The following ALDH8A1 variants were observed in gnomAD, a reference collection of about 807,000 sequenced individuals.
ALDH8A1 encodes 2-aminomuconic semialdehyde dehydrogenase.
Under a neutral mutation model 43.3 loss-of-function variants are expected in ALDH8A1, and 39 were observed. That is an observed-to-expected ratio of 0.90 (90% CI 0.70 to 1.18). ALDH8A1 has a LOEUF of 1.18. Among genes scored for constraint, ALDH8A1 ranks in the 50% most tolerant of loss-of-function variants. The pLI is 0.00. For missense variants in ALDH8A1, 605 were observed against 622.6 expected, an observed-to-expected ratio of 0.97 and a Z score of 0.30; for synonymous variants, 233 against 243.5, an observed-to-expected ratio of 0.96 and a Z score of 0.40.
At chr6:134,927,210 T>C (rs913149844) in intron 6 of ALDH8A1, among the ~76,000 whole-genome samples, 3 of 152,196 alleles carry the variant, frequency 2.0e-5, no homozygotes. Flanking sequence ...TCTATGCCAA[T>C]TACTAGAACT....
intron 4 of ALDH8A1, among the ~76,000 whole-genome samples, chr6:134,933,833 C>T (rs144638630): frequency 3.9e-4 from 60 of 152,088 alleles, no homozygotes; most frequent in African/African-American, 1.3e-3. Flanking sequence ...CTCAGCCTCC[C>T]GAGTAGCTGG....
rs778173764 is a variant in ALDH8A1 at position 134,918,430 on chromosome 6, G to T, written c.1449C>A (p.Ile483=). The T allele has an allele frequency of 2.3e-5, 37 of 1,614,148 alleles. 1 individual carries two copies. In the East Asian group the frequency reaches 8.0e-4, roughly 35 times the overall value. Residue 483 remains isoleucine, a synonymous_variant, in exon 7 of 7, where the codon ATC becomes ATA. Transcript: ENST00000265605. ...TTAGCAAAGATCAGTGTTTAACGGT[G>T]ATGGTTTTGATCTCAGTGAAGAAGT... ...SYDFFTEIKT[I]TVKH
Position 134,949,838 on chromosome 6 carries a change from C to T in ALDH8A1, c.138+78G>A, listed in dbSNP as rs555503667. ...ATCCTACATCTTCCCCCAACTCCCT[C>T]TGCTTTTAGAAAACTGTTACCCATA... is the stretch of plus-strand genomic sequence containing the variant. On this transcript the variant is annotated intron_variant, in intron 1 of 6. Coordinates refer to ENST00000265605, the MANE Select transcript of ALDH8A1 (RefSeq NM_022568.4). 2.3e-4 allele frequency: 331 copies of T among 1,448,474 alleles called. 1 individual carries two copies. The African/African-American group carries it at 3.4e-3, about 15-fold the overall frequency. The allele number at this position is 1,448,474 out of a possible 1,614,324, so 89.7% of individuals were successfully genotyped here. A position where few individuals can be genotyped will look rare whatever the true frequency, so the allele number is the denominator to read the frequency against.
At position 134,918,988 on chromosome 6, in the gene ALDH8A1, A is replaced by G. The variant is rs571314569; in HGVS notation, c.1012-121T>C. 12 of 1,133,728 alleles carry G rather than the reference A, an allele frequency of 1.1e-5. 1 individual carries two copies. The South Asian group carries it at 1.1e-4, about 10-fold the overall frequency. 70.2% of individuals were successfully genotyped at this position (1,133,728 alleles called of 1,614,324 possible). A position where few individuals can be genotyped will look rare whatever the true frequency, so the allele number is the denominator to read the frequency against. On this transcript the variant is annotated intron_variant, in intron 6 of 6. Coordinates refer to ENST00000265605, the MANE Select transcript of ALDH8A1 (RefSeq NM_022568.4). ...GGATAAGGTCATTCCTAAGAAATCT[A>G]TGGTCGATTATCTTATCACTCAGCT...
chr6:134,949,307 C>CA (rs1235883618), intron 1 of ALDH8A1, among the ~76,000 whole-genome samples: 1 of 151,822 alleles, frequency 6.6e-6, no homozygotes, highest in African/African-American at 2.4e-5. Context: ...TCTACATCAC[C>CA]AAAAAAATGT....
intron 6 of ALDH8A1, among the ~76,000 whole-genome samples, 187 bp from the exon 7 acceptor site, chr6:134,919,054 C>T (rs1253627789): frequency 2.0e-5 from 3 of 152,198 alleles, no homozygotes; most frequent in African/African-American, 4.8e-5. Flanking sequence ...ATCATTTGGG[C>T]AGTCACCTTT....
chr6:134,932,694 C>T lies in ALDH8A1; in HGVS notation c.849+82G>A, dbSNP rs1777004438. 4.5e-6 allele frequency: 7 copies of T among 1,548,128 alleles called. No homozygotes were observed. In the East Asian group the frequency reaches 1.1e-4, roughly 25 times the overall value. On this transcript the variant is annotated intron_variant, in intron 5 of 6. Transcript: ENST00000265605. Reference sequence around the variant, plus strand: ...AAATGGCACTGGATTGACTGGCTTGCTCCCAGGCATTGCACTGTGATAAAA... The same window carrying T: ...AAATGGCACTGGATTGACTGGCTTGTTCCCAGGCATTGCACTGTGATAAAA...
intron 6 of ALDH8A1, among the ~76,000 whole-genome samples, 168 bp from the exon 7 acceptor site, chr6:134,919,035 G>A (rs9494121): frequency 0.045 from 6,911 of 152,212 alleles, 526 homozygotes; most frequent in African/African-American, 0.15. Flanking sequence ...GGGCAGAGGC[G>A]CTCCAAGCAT....
chr6:134,932,888 T>C lies in ALDH8A1; in HGVS notation c.737A>G (p.His246Arg), dbSNP rs1482924865. Residue 246 changes from histidine (H) to arginine (R), a missense_variant, in exon 5 of 7, where the codon CAC becomes CGC. By Grantham distance (29) the His-to-Arg change is conservative. Transcript: ENST00000265605. ...AERITQLSAP[H>R]CKKLSLELGG... The stretch of plus-strand genomic sequence containing the variant: ...CAGCTCCAGGGAGAGCTTTTTGCAG[T>C]GGGGAGCGCTCAGCTGGGTGATCCG... 9.9e-6 allele frequency: 16 copies of C among 1,614,180 alleles called. No homozygotes were observed. Among genetic ancestry groups the C allele is most frequent in the Non-Finnish European group, 1.4e-5 (16 of 1,180,016 alleles).
intron 4 of ALDH8A1, among the ~76,000 whole-genome samples, 188 bp downstream of exon 4, chr6:134,939,078 G>A (rs140290370): frequency 2.6e-5 from 4 of 152,278 alleles, no homozygotes; most frequent in East Asian, 1.9e-4. Flanking sequence ...CAGTAGCACC[G>A]TTCTGGTGTT....
chr6:134,918,346 A>T lies in ALDH8A1; in HGVS notation c.*69T>A, dbSNP rs1022258218. 2 of 1,454,676 alleles carry T rather than the reference A, an allele frequency of 1.4e-6. No individual in the cohort carries two copies. Among genetic ancestry groups the T allele is most frequent in the African/African-American group, 1.4e-5 (1 of 71,130 alleles). 90.1% of individuals were successfully genotyped at this position (1,454,676 alleles called of 1,614,324 possible). ...AGCTGGAATTCATGCCATGATTTTC[A>T]TCTACCACATTGAACAACTGATGCC... is the stretch of plus-strand genomic sequence containing the variant. On this transcript the variant is annotated 3_prime_UTR_variant, in exon 7 of 7. Transcript: ENST00000265605.
chr6:134,948,676 G>A (rs951154962), intron 1 of ALDH8A1, among the ~76,000 whole-genome samples: 12 of 152,122 alleles, frequency 7.9e-5, no homozygotes, highest in South Asian at 2.1e-4. Context: ...TTTTCAAGCC[G>A]GAAAAAACTA....
intron 5 of ALDH8A1, among the ~76,000 whole-genome samples, chr6:134,931,386 C>T (rs1776983639): frequency 1.3e-5 from 2 of 152,184 alleles, no homozygotes; most frequent in South Asian, 4.1e-4. Context: ...GCCTCAGCCT[C>T]CCGAGTAGCT....
chr6:134,927,871 C>T (rs986971131), intron 6 of ALDH8A1, among the ~76,000 whole-genome samples: 3 of 152,042 alleles, frequency 2.0e-5, no homozygotes, highest in Non-Finnish European at 4.4e-5. Context: ...GCAGGGAGCC[C>T]TAGTGTCCAA....
At position 134,943,807 on chromosome 6, in the gene ALDH8A1, G is replaced by C. The variant is rs746813837; in HGVS notation, c.286+12C>G. The C allele has an allele frequency of 6.2e-7, 1 of 1,613,420 alleles. No homozygotes were observed. Among genetic ancestry groups the C allele is most frequent in the Non-Finnish European group, 8.5e-7 (1 of 1,179,602 alleles). ...CCTGAGTCCCATGTTACAGTTAAGAGGCAACTCTCACCTTGGTCTTTAGAC... is the reference window on the plus strand; with the variant it reads ...CCTGAGTCCCATGTTACAGTTAAGACGCAACTCTCACCTTGGTCTTTAGAC... On this transcript the variant is annotated intron_variant, in intron 2 of 6. Transcript: ENST00000265605.
chr6:134,942,280 A>G lies in ALDH8A1; in HGVS notation c.442+129T>C, dbSNP rs115916073. On this transcript the variant is annotated intron_variant, in intron 3 of 6. Coordinates refer to ENST00000265605, the MANE Select transcript of ALDH8A1 (RefSeq NM_022568.4). Reference sequence around the variant, plus strand: ...AACTAGAAATAGATCTTTGAGGCCAATGGATTTTAGAAAAGAAAAATATCA... The same window carrying G: ...AACTAGAAATAGATCTTTGAGGCCAGTGGATTTTAGAAAAGAAAAATATCA... 3.2e-3 allele frequency: 3,819 copies of G among 1,206,882 alleles called. 126 individuals are homozygous for G. In the African/African-American group the frequency reaches 0.053, roughly 17 times the overall value. The allele number at this position is 1,206,882 out of a possible 1,614,324, so 74.8% of individuals were successfully genotyped here.
At chr6:134,932,320 C>T (rs571388286) in intron 5 of ALDH8A1, among the ~76,000 whole-genome samples, 124 of 152,314 alleles carry the variant, frequency 8.1e-4, no homozygotes, top group Non-Finnish European at 1.4e-3. Context: ...GCCAAGAAAT[C>T]TTCTCTAGTC....
At position 134,943,893 on chromosome 6, in the gene ALDH8A1, C is replaced by T. The variant is rs747884944; in HGVS notation, c.212G>A (p.Arg71Gln). 38 of 1,614,120 alleles carry T rather than the reference C, an allele frequency of 2.4e-5. No homozygotes were observed. The highest frequency in any genetic ancestry group is 1.7e-4 in the African/African-American group (13 of 74,940). Residue 71 changes from arginine to glutamine, a missense_variant, in exon 2 of 7, where the codon CGG (arginine) becomes CAG (glutamine). Physicochemically the swap from Arg to Gln is conservative, Grantham distance 43. Coordinates refer to ENST00000265605, the MANE Select transcript of ALDH8A1 (RefSeq NM_022568.4). ...WSSRSPQERSRVLNQVADLLE... is the reference protein window; with the variant it reads ...WSSRSPQERSQVLNQVADLLE... ...CAAATCCGCCACCTGGTTCAGGACCCGTGAGCGCTCCTGGGGGCTGCGGGA... is the reference window on the plus strand; with the variant it reads ...CAAATCCGCCACCTGGTTCAGGACCTGTGAGCGCTCCTGGGGGCTGCGGGA...
intron 5 of ALDH8A1, among the ~76,000 whole-genome samples, chr6:134,929,806 G>T (rs948753736): frequency 1.3e-5 from 2 of 152,142 alleles, no homozygotes; most frequent in African/African-American, 4.8e-5. Context: ...TTTATTCTCA[G>T]TATCATGAAA....
Sources: allele counts gnomAD v4.1 joint callset (sites outside exome capture counted in the v4.1 genomes callset), GRCh38; gene constraint gnomAD v4.1.1; transcripts MANE v1.5; gene names NCBI Gene and HGNC (gene_info 2026-07-23, HGNC 2026-07-21).